The following MTUS2 variants were observed in gnomAD, a reference collection of about 807,000 sequenced individuals.
The protein encoded by MTUS2 is microtubule associated scaffold protein 2.
Under a neutral mutation model 114.1 loss-of-function variants are expected in MTUS2, and 40 were observed. The ratio of observed to expected loss-of-function variants is 0.35; its 90% CI spans 0.27 to 0.46. The LOEUF is 0.46. MTUS2 is among the 20% of genes least tolerant of loss of function. The pLI is 1.00. For synonymous variants in MTUS2, 688 were observed against 672.0 expected (o/e 1.02, Z -0.37); for missense variants, 1,679 against 1,705.4 (o/e 0.98, Z 0.27).
chr13:29,207,685 T>A (rs1423197586), intron 5 of MTUS2, among the ~76,000 whole-genome samples: 1 of 152,182 alleles, frequency 6.6e-6, no homozygotes, highest in Non-Finnish European at 1.5e-5. Context: ...GATGATCATG[T>A]TATTTTTGTT....
intron 8 of MTUS2, among the ~76,000 whole-genome samples, chr13:29,409,685 A>G (rs1875069217): frequency 6.6e-6 from 1 of 152,184 alleles, no homozygotes; most frequent in African/African-American, 2.4e-5. Flanking sequence ...TCTTTCTTAC[A>G]CAAAAGATAG....
Position 29,317,432 on chromosome 13 carries a change from C to CTTTTTTTTTTT in MTUS2, c.2807-7174_2807-7164dup, listed in dbSNP as rs552766235. On this transcript the variant is annotated intron_variant, in intron 6 of 15. Coordinates refer to ENST00000612955, the MANE Select transcript of MTUS2 (RefSeq NM_001033602.4). ...GCTTGTGCGCGCGCTCTCTCTCTCT[C>CTTTTTTTTTTT]TTTTTTTTTTTTTTTTTGAGACGGA... Among the ~76,000 whole-genome samples the CTTTTTTTTTTT allele has an allele frequency of 2.9e-4, 15 of 51,674 alleles. 1 individual carries two copies. Among genetic ancestry groups the CTTTTTTTTTTT allele is most frequent in the African/African-American group, 9.2e-4 (14 of 15,262 alleles). The allele number at this position is 51,674 out of a possible 152,430, so 33.9% of individuals were successfully genotyped here.
chr13:29,315,380 A>G (rs756001957), intron 6 of MTUS2, among the ~76,000 whole-genome samples: 2 of 152,226 alleles, frequency 1.3e-5, no homozygotes, highest in Non-Finnish European at 2.9e-5. Flanking sequence ...TAGTTATCCC[A>G]ATTTGATCAC....
intron 5 of MTUS2, among the ~76,000 whole-genome samples, chr13:29,186,512 G>C (rs1046863328): frequency 2.0e-5 from 3 of 152,238 alleles, no homozygotes; most frequent in African/African-American, 7.2e-5. Flanking sequence ...TAGACTTTAA[G>C]GCAACAATTA....
chr13:29,230,402 C>G (rs541133613), intron 5 of MTUS2, among the ~76,000 whole-genome samples: 3 of 152,346 alleles, frequency 2.0e-5, no homozygotes, highest in South Asian at 4.1e-4. Context: ...TTCTCTACTT[C>G]GGTATTCTGT....
chr13:29,018,815 A>G lies in MTUS2; in HGVS notation c.-242-5642A>G, dbSNP rs368696392. 1.5e-3 allele frequency among the ~76,000 whole-genome samples: 215 copies of G among 142,660 alleles called. 1 individual carries two copies. The highest frequency in any genetic ancestry group is 5.3e-3 in the African/African-American group (206 of 39,176). 93.6% of individuals were successfully genotyped at this position (142,660 alleles called of 152,430 possible). ...AAAAAAAAAAAAGAAAAAGAAATGT[A>G]TGTGTATTCACAAACCATTATCAGA... On this transcript the variant is annotated intron_variant, in intron 2 of 15. Transcript: ENST00000612955.
intron 1 of MTUS2, among the ~76,000 whole-genome samples, chr13:28,835,187 C>T (rs1422464152): frequency 2.6e-5 from 4 of 152,138 alleles, no homozygotes; most frequent in Admixed American, 2.6e-4. Context: ...GAATTGAAAA[C>T]TTACATATCC....
chr13:29,148,689 G>A (rs1372625152), intron 5 of MTUS2, among the ~76,000 whole-genome samples: 4 of 72,256 alleles, frequency 5.5e-5, no homozygotes, highest in East Asian at 4.5e-4. Context: ...CGTTTTAGCC[G>A]GGATGGTCTC....
chr13:29,146,933 ATTG>A (rs1251449750), intron 5 of MTUS2, among the ~76,000 whole-genome samples: 9 of 152,188 alleles, frequency 5.9e-5, no homozygotes, highest in Admixed American at 1.3e-4. Flanking sequence ...AAGGATGATA[ATTG>A]TTGTTGTGGT....
chr13:29,456,985 A>T lies in MTUS2; in HGVS notation c.3184+16936A>T, dbSNP rs182993627. The stretch of plus-strand genomic sequence containing the variant: ...ACCCCGTCTCTACTAAAAATATATT[A>T]AAAAAAAAAATTAGCCAGGCATGGT... On this transcript the variant is annotated intron_variant, in intron 9 of 15. Transcript: ENST00000612955. 3.9e-3 allele frequency among the ~76,000 whole-genome samples: 498 copies of T among 127,650 alleles called. 1 individual carries two copies. The highest frequency in any genetic ancestry group is 0.016 in the South Asian group (64 of 4,074). 83.7% of individuals were successfully genotyped at this position (127,650 alleles called of 152,430 possible). A position where few individuals can be genotyped will look rare whatever the true frequency, so the allele number is the denominator to read the frequency against.
chr13:29,244,826 G>C (rs28753880), intron 5 of MTUS2, among the ~76,000 whole-genome samples: 8,480 of 148,994 alleles, frequency 0.057, 334 homozygotes, highest in East Asian at 0.17. Flanking sequence ...CATAGTGGCG[G>C]GCGCCTGTAG....
chr13:29,481,283 T>C (rs530231836), intron 10 of MTUS2, among the ~76,000 whole-genome samples: 1 of 152,316 alleles, frequency 6.6e-6, no homozygotes, highest in Non-Finnish European at 1.5e-5. Flanking sequence ...AGGCAGGTGC[T>C]GCCACCCCCA....
intron 10 of MTUS2, chr13:29,483,974 A>G (rs1021568385): frequency 6.6e-6 from 1 of 152,238 alleles, no homozygotes; most frequent in Non-Finnish European, 1.5e-5. Flanking sequence ...CTGGCATGCA[A>G]AGATCAGGCT....
chr13:29,189,171 G>C (rs9551614), intron 5 of MTUS2, among the ~76,000 whole-genome samples: 3,836 of 152,278 alleles, frequency 0.025, 94 homozygotes, highest in East Asian at 0.066. Context: ...AATATATGTT[G>C]ATCTCATCCC....
intron 5 of MTUS2, among the ~76,000 whole-genome samples, chr13:29,212,492 A>C (rs572353598): frequency 6.6e-6 from 1 of 152,218 alleles, no homozygotes; most frequent in African/African-American, 2.4e-5. Context: ...TTAAGGGCTC[A>C]ATCTCACAAG....
intron 2 of MTUS2, among the ~76,000 whole-genome samples, chr13:28,997,892 T>A (rs1885192574): frequency 6.6e-6 from 1 of 152,212 alleles, no homozygotes; most frequent in Non-Finnish European, 1.5e-5. Flanking sequence ...CCATTTACAT[T>A]TAAGGTTAGT....
intron 5 of MTUS2, among the ~76,000 whole-genome samples, chr13:29,157,242 G>A (rs1892900023): frequency 6.6e-6 from 1 of 152,158 alleles, no homozygotes; most frequent in Non-Finnish European, 1.5e-5. Flanking sequence ...AAGTGGAATT[G>A]TTGGGTCATG....
intron 8 of MTUS2, among the ~76,000 whole-genome samples, chr13:29,371,443 C>T (rs1871186217): frequency 6.6e-6 from 1 of 152,110 alleles, no homozygotes. Context: ...GTCTCAAACT[C>T]CTGACCTCAG....
intron 5 of MTUS2, among the ~76,000 whole-genome samples, chr13:29,166,222 T>G (rs1893309281): frequency 6.6e-6 from 1 of 152,216 alleles, no homozygotes; most frequent in Admixed American, 6.5e-5. Flanking sequence ...TAATATTTAC[T>G]TCTGGATTGG....
Sources: allele counts gnomAD v4.1 joint callset (sites outside exome capture counted in the v4.1 genomes callset), GRCh38; gene constraint gnomAD v4.1.1; transcripts MANE v1.5; gene names NCBI Gene and HGNC (gene_info 2026-07-23, HGNC 2026-07-21).